PRKAG2: variants seen among roughly 807,000 people sequenced by gnomAD.
PRKAG2 encodes the protein 5'-AMP-activated protein kinase subunit gamma-2.
PRKAG2 carries 26 observed loss-of-function variants against 69.6 expected under a neutral mutation model. The observed-to-expected ratio is 0.37, with a 90% CI of 0.27 to 0.52. The LOEUF (loss-of-function observed/expected upper bound fraction) is 0.52. Among genes scored for constraint, PRKAG2 ranks in the 20% least tolerant of loss-of-function variants. The probability of loss-of-function intolerance (pLI) is 0.90; values close to 1 mark genes in which losing one functional copy is unlikely to be tolerated. For synonymous variants in PRKAG2, 293 were observed against 285.0 expected, an observed-to-expected ratio of 1.03 and a Z score of -0.28; for missense variants, 557 against 740.0, an observed-to-expected ratio of 0.75 and a Z score of 2.87.
At chr7:151,693,157 G>A (rs945680093) in intron 3 of PRKAG2, among the ~76,000 whole-genome samples, 2 of 152,226 alleles carry the variant, frequency 1.3e-5, no homozygotes, top group Admixed American at 6.5e-5. Flanking sequence ...GCATATCCCT[G>A]AAAGGTGTGG....
chr7:151,832,996 G>A (rs2079072640), intron 1 of PRKAG2, among the ~76,000 whole-genome samples: 1 of 152,168 alleles, frequency 6.6e-6, no homozygotes, highest in Non-Finnish European at 1.5e-5. Flanking sequence ...AGGTGTCTGA[G>A]GTTGCTGGCA....
intron 1 of PRKAG2, among the ~76,000 whole-genome samples, chr7:151,841,862 AGGTAGGGAT>A (rs373410307): frequency 2.0e-3 from 284 of 139,028 alleles, no homozygotes; most frequent in African/African-American, 7.3e-3. Context: ...TAGTGATGGT[AGGTAGGGAT>A]GGTAGTGATA....
At chr7:151,675,722 G>T in intron 3 of PRKAG2, 85 bp from the exon 4 acceptor site, 1 of 1,305,462 alleles carries the variant, frequency 7.7e-7, no homozygotes, top group South Asian at 1.2e-5. Flanking sequence ...TCTCCAGGAA[G>T]GGAGATGGGG....
chr7:151,786,636 G>T (rs2077025068), intron 1 of PRKAG2, 95 bp from the exon 2 acceptor site: 2 of 981,658 alleles, frequency 2.0e-6, no homozygotes, highest in Non-Finnish European at 3.2e-6. Flanking sequence ...CCCTTCCTGA[G>T]ACCTTATCCT....
intron 1 of PRKAG2, among the ~76,000 whole-genome samples, chr7:151,851,705 C>T (rs553596596): frequency 7.2e-5 from 11 of 152,252 alleles, no homozygotes; most frequent in South Asian, 4.1e-4. Flanking sequence ...CTGGTGAGCT[C>T]GAATGTCTTA....
chr7:151,647,087 C>T (rs1374480619), intron 4 of PRKAG2, among the ~76,000 whole-genome samples: 2 of 152,240 alleles, frequency 1.3e-5, no homozygotes, highest in Non-Finnish European at 2.9e-5. Context: ...TGCACAGCCC[C>T]GTCCATCCCC....
intron 3 of PRKAG2, among the ~76,000 whole-genome samples, chr7:151,779,421 T>G (rs1241128629): frequency 6.6e-6 from 1 of 152,072 alleles, no homozygotes; most frequent in African/African-American, 2.4e-5. Flanking sequence ...CACCCTCTCC[T>G]CCCACCCCCA....
chr7:151,741,177 C>A (rs1269391813), intron 3 of PRKAG2, among the ~76,000 whole-genome samples: 3 of 151,564 alleles, frequency 2.0e-5, no homozygotes, highest in South Asian at 2.1e-4. Context: ...CCTGCCACTG[C>A]ACATCAGCCT....
At chr7:151,581,036 G>A (rs1810347312) in intron 6 of PRKAG2, among the ~76,000 whole-genome samples, 2 of 152,026 alleles carry the variant, frequency 1.3e-5, no homozygotes, top group Admixed American at 1.3e-4. Flanking sequence ...ATGTATGCCT[G>A]TATCAAAATA....
rs1055838089 is a variant in PRKAG2 at position 151,719,680 on chromosome 7, C to T, written c.467-44043G>A. Among the ~76,000 whole-genome samples, 54 of 152,274 alleles carry T rather than the reference C, an allele frequency of 3.5e-4. No individual in the cohort carries two copies. Among genetic ancestry groups the T allele is most frequent in the African/African-American group, 1.3e-3 (53 of 41,564 alleles). ...GGGACCTGCATTCCTGCCTGGGTCC[C>T]GCCCACAGCACCACTGTCTTGCGAT... On this transcript the variant is annotated intron_variant, in intron 3 of 15. Coordinates refer to ENST00000287878, the MANE Select transcript of PRKAG2 (RefSeq NM_016203.4). This position sits in a 1 kb window ranked among gnomAD's most constrained non-coding sequence, Gnocchi z 5.2.
intron 3 of PRKAG2, among the ~76,000 whole-genome samples, chr7:151,703,551 A>T (rs1209370129): frequency 6.6e-6 from 1 of 152,146 alleles, no homozygotes; most frequent in Non-Finnish European, 1.5e-5. Context: ...ACACATTGAG[A>T]GTGTACAGCT....
rs377462383 is a variant in PRKAG2 at position 151,822,005 on chromosome 7, G to T, written c.115-35464C>A. On this transcript the variant is annotated intron_variant, in intron 1 of 15. Coordinates refer to ENST00000287878, the MANE Select transcript of PRKAG2 (RefSeq NM_016203.4). ...GAGAGCTGCTGGGAGCCAAGGATCT[G>T]GGAGGCACCCCAGTGCGTTCCAGTG... Among the ~76,000 whole-genome samples the T allele has an allele frequency of 1.9e-4, 29 of 152,342 alleles. No individual in the cohort carries two copies. In the East Asian group the frequency reaches 3.5e-3, roughly 18 times the overall value.
At chr7:151,704,091 G>A (rs1312659615) in intron 3 of PRKAG2, among the ~76,000 whole-genome samples, 3 of 152,020 alleles carry the variant, frequency 2.0e-5, no homozygotes, top group African/African-American at 7.2e-5. Context: ...CATAGTAGGT[G>A]TATATATTTA....
At chr7:151,804,011 T>C (rs1348212118) in intron 1 of PRKAG2, among the ~76,000 whole-genome samples, 2 of 151,414 alleles carry the variant, frequency 1.3e-5, no homozygotes, top group Non-Finnish European at 2.9e-5. Flanking sequence ...TGAAGAGTCA[T>C]ACCCTTGGCC....
chr7:151,816,340 T>C (rs1158067440), intron 1 of PRKAG2, among the ~76,000 whole-genome samples: 2 of 152,148 alleles, frequency 1.3e-5, no homozygotes, highest in Admixed American at 1.3e-4. Context: ...TTTGTTTTTT[T>C]TTTGTCCGTA....
chr7:151,720,764 GGAAAGGGA>G (rs1289842953), intron 3 of PRKAG2, among the ~76,000 whole-genome samples: 2 of 105,504 alleles, frequency 1.9e-5, no homozygotes, highest in African/African-American at 7.7e-5. Context: ...GCAGAGGGAT[GGAAAGGGA>G]TGGAGGGGGA....
At chr7:151,804,283 G>A (rs1285896427) in intron 1 of PRKAG2, among the ~76,000 whole-genome samples, 1 of 152,186 alleles carries the variant, frequency 6.6e-6, no homozygotes, top group African/African-American at 2.4e-5. Context: ...GGCAATTACA[G>A]AGAATTAATA....
chr7:151,574,725 T>G (rs1808476597), intron 8 of PRKAG2, among the ~76,000 whole-genome samples, 166 bp downstream of exon 8: 1 of 152,216 alleles, frequency 6.6e-6, no homozygotes, highest in African/African-American at 2.4e-5. Context: ...AGTTTTGTAC[T>G]GAAGTTCCCT....
chr7:151,838,422 G>A (rs1045310168), intron 1 of PRKAG2, among the ~76,000 whole-genome samples: 3 of 151,908 alleles, frequency 2.0e-5, no homozygotes, highest in Admixed American at 1.3e-4. Flanking sequence ...CCAAGACAAG[G>A]GGCAGGTGGG....
Sources: allele counts gnomAD v4.1 joint callset (sites outside exome capture counted in the v4.1 genomes callset), GRCh38; gene constraint gnomAD v4.1.1; non-coding constraint Gnocchi (gnomAD v3.1); transcripts MANE v1.5; gene names NCBI Gene and HGNC (gene_info 2026-07-23, HGNC 2026-07-21).